Variants in DPP10 observed in about 807,000 individuals in gnomAD.
DPP10 encodes the protein inactive dipeptidyl peptidase 10.
In DPP10, 33 loss-of-function variants were observed where a neutral mutation model predicts 120.9. The observed-to-expected ratio is 0.27, with a 90% confidence interval of 0.21 to 0.37. DPP10 has a LOEUF of 0.37. DPP10 is among the 10% of genes least tolerant of loss of function. DPP10 has a pLI of 1.00. For synonymous variants in DPP10, 337 were observed against 326.1 expected (o/e 1.03, Z -0.36); for missense variants, 816 against 942.8 (o/e 0.87, Z 1.76).
At chr2:115,791,576 G>A (rs1200328285) in intron 19 of DPP10, among the ~76,000 whole-genome samples, 1 of 152,190 alleles carries the variant, frequency 6.6e-6, no homozygotes, top group Non-Finnish European at 1.5e-5. Flanking sequence ...GGAGTTTGGT[G>A]CTACTGCCAG....
intron 19 of DPP10, 192 bp from the exon 20 acceptor site, chr2:115,814,601 G>T (rs1687016492): frequency 2.4e-6 from 1 of 410,440 alleles, no homozygotes; most frequent in African/African-American, 2.0e-5. Context: ...TTCAATTACA[G>T]TTTTACAAAG....
At chr2:115,730,800 C>A (rs2092888249) in intron 8 of DPP10, among the ~76,000 whole-genome samples, 1 of 152,170 alleles carries the variant, frequency 6.6e-6, no homozygotes, top group South Asian at 2.1e-4. Context: ...AGGTCTGACG[C>A]ATTCCAAAGG....
At chr2:115,066,908 T>A (rs1448654779) in intron 1 of DPP10, 1 of 151,754 alleles carries the variant, frequency 6.6e-6, no homozygotes, top group Non-Finnish European at 1.5e-5. Flanking sequence ...GTTTACATAT[T>A]TTTTTTGTGG....
At chr2:115,694,882 A>G (rs563221513) in intron 7 of DPP10, among the ~76,000 whole-genome samples, 2 of 152,248 alleles carry the variant, frequency 1.3e-5, no homozygotes, top group South Asian at 4.1e-4. Flanking sequence ...TCTTGCAGGA[A>G]CCAGGATGGA....
chr2:114,641,553 A>G (rs1695707406), intron 1 of DPP10, among the ~76,000 whole-genome samples: 1 of 152,108 alleles, frequency 6.6e-6, no homozygotes, highest in East Asian at 1.9e-4. Flanking sequence ...TTTTAAAATG[A>G]TCTCACAGTC....
chr2:115,279,649 C>CTTTTTTTTTT (rs2060068274), intron 1 of DPP10, among the ~76,000 whole-genome samples: 2 of 50,032 alleles, frequency 4.0e-5, no homozygotes, highest in East Asian at 5.8e-4. Flanking sequence ...TTCTTTTTTT[C>CTTTTTTTTTT]TTCTTCTTTT....
intron 3 of DPP10, among the ~76,000 whole-genome samples, chr2:115,378,542 A>T (rs1406200332): frequency 2.0e-5 from 3 of 151,346 alleles, no homozygotes; most frequent in Admixed American, 2.0e-4. Flanking sequence ...AATACCCTTT[A>T]TTTCCTTCTC....
rs568799010 is a variant in DPP10 at position 115,781,823 on chromosome 2, A to C, written c.1484-529A>C. Among the ~76,000 whole-genome samples, 3 of 152,220 alleles carry C rather than the reference A, an allele frequency of 2.0e-5. 1 individual carries two copies. In the South Asian group the frequency reaches 6.2e-4, roughly 32 times the overall value. ...GTGAAGTTTCAAGATAACTTTTTAC[A>C]GTAACAAATTAGCTAGTGTATTTTA... On this transcript the variant is annotated intron_variant, in intron 16 of 25. Coordinates refer to ENST00000410059, the MANE Select transcript of DPP10 (RefSeq NM_020868.6).
chr2:114,644,867 G>A (rs1171746006), intron 1 of DPP10, among the ~76,000 whole-genome samples: 2 of 151,644 alleles, frequency 1.3e-5, no homozygotes, highest in Non-Finnish European at 2.9e-5. Flanking sequence ...TGATCGAGTG[G>A]GTAAAAAAAG....
chr2:115,683,358 C>T (rs557100566), intron 5 of DPP10, among the ~76,000 whole-genome samples: 17 of 151,958 alleles, frequency 1.1e-4, no homozygotes, highest in African/African-American at 3.4e-4. Flanking sequence ...GGGATGAACT[C>T]GTGGAACACA....
chr2:114,746,446 T>C (rs1358571621), intron 1 of DPP10, among the ~76,000 whole-genome samples: 4 of 152,120 alleles, frequency 2.6e-5, no homozygotes, highest in African/African-American at 9.7e-5. Flanking sequence ...ATCAATACAT[T>C]TGTTAACAAT....
chr2:115,209,645 G>C (rs771177342), intron 1 of DPP10, among the ~76,000 whole-genome samples: 22 of 151,748 alleles, frequency 1.4e-4, no homozygotes, highest in Non-Finnish European at 2.1e-4. Context: ...TTTATCTCCT[G>C]AGCAGGCAAA....
chr2:115,680,897 C>G (rs571752983), intron 5 of DPP10, among the ~76,000 whole-genome samples: 27 of 151,914 alleles, frequency 1.8e-4, no homozygotes, highest in African/African-American at 4.8e-4. Flanking sequence ...GAAAAAGACA[C>G]TGATATATAA....
At chr2:115,648,439 A>G (rs1452866626) in intron 5 of DPP10, among the ~76,000 whole-genome samples, 1 of 152,076 alleles carries the variant, frequency 6.6e-6, no homozygotes, top group Non-Finnish European at 1.5e-5. Context: ...ACACAAAAAT[A>G]TATGTGATAT....
chr2:114,662,610 C>G (rs182095769), intron 1 of DPP10, among the ~76,000 whole-genome samples: 229 of 152,298 alleles, frequency 1.5e-3, no homozygotes, highest in Admixed American at 4.4e-3. Context: ...GAACACGGTC[C>G]AGGGAGGCTG....
At chr2:114,541,853 A>G (rs1686977510) in intron 1 of DPP10, among the ~76,000 whole-genome samples, 1 of 152,126 alleles carries the variant, frequency 6.6e-6, no homozygotes, top group Non-Finnish European at 1.5e-5. Context: ...ACAGAAAAAG[A>G]CTAGAAGTGA....
chr2:114,542,048 C>CTTTTTTTTTTTT lies in DPP10; in HGVS notation c.60+99210_60+99211insTTTTTTTTTTTT, dbSNP rs761961981. 8.2e-5 allele frequency among the ~76,000 whole-genome samples: 10 copies of CTTTTTTTTTTTT among 122,202 alleles called. 2 individuals carry two copies. Among genetic ancestry groups the CTTTTTTTTTTTT allele is most frequent in the Non-Finnish European group, 1.2e-4 (7 of 60,190 alleles). 80.2% of individuals were successfully genotyped at this position (122,202 alleles called of 152,430 possible). Reference sequence around the variant, plus strand: ...TACAGTTTTTTTTCTTTCTTTCTTTCCTTTTTTTTTTTTTTTTGAGATGGA... The same window carrying CTTTTTTTTTTTT: ...TACAGTTTTTTTTCTTTCTTTCTTTCTTTTTTTTTTTTCTTTTTTTTTTTTTTTTGAGATGGA... On this transcript the variant is annotated intron_variant, in intron 1 of 25. Transcript: ENST00000410059.
intron 1 of DPP10, among the ~76,000 whole-genome samples, chr2:115,180,218 A>T (rs898780680): frequency 6.6e-6 from 1 of 152,144 alleles, no homozygotes; most frequent in Non-Finnish European, 1.5e-5. Context: ...GGTTGAGGAG[A>T]GGTACACTGA....
At chr2:114,536,408 C>CTTTTTTTTTTTTTT (rs70937287) in intron 1 of DPP10, among the ~76,000 whole-genome samples, 6 of 128,730 alleles carry the variant, frequency 4.7e-5, no homozygotes, top group East Asian at 2.2e-4. Flanking sequence ...TTTTCTTTTT[C>CTTTTTTTTTTTTTT]TTTTTTTTTT....
Sources: allele counts gnomAD v4.1 joint callset (sites outside exome capture counted in the v4.1 genomes callset), GRCh38; gene constraint gnomAD v4.1.1; transcripts MANE v1.5; gene names NCBI Gene and HGNC (gene_info 2026-07-23, HGNC 2026-07-21).